Variants in MCPH1 observed in about 807,000 individuals in gnomAD.
MCPH1 encodes the protein microcephalin.
MCPH1 carries 104 observed loss-of-function variants against 84.5 expected under a neutral mutation model. That is an observed-to-expected ratio of 1.23 (90% confidence interval 1.05 to 1.45). The LOEUF (loss-of-function observed/expected upper bound fraction) is 1.45, where lower values mean the gene tolerates loss of function less well. Among genes scored for constraint, MCPH1 ranks in the 40% most tolerant of loss-of-function variants. The pLI is 0.00. For synonymous variants in MCPH1, 514 were observed against 366.8 expected (o/e 1.40, Z -4.58); for missense variants, 1,498 against 1,005.7 (o/e 1.49, Z -6.62).
At chr8:6,612,709 C>A (rs957607940) in intron 12 of MCPH1, among the ~76,000 whole-genome samples, 2 of 152,238 alleles carry the variant, frequency 1.3e-5, no homozygotes, top group Admixed American at 6.5e-5. Context: ...CTCACATCGC[C>A]GCTTCACCTG....
In MCPH1 at chr8:6,442,071, C is replaced by G. The variant is rs1338908640; in HGVS notation, c.585C>G (p.Ser195=). The G allele has an allele frequency of 2.5e-6, 4 of 1,611,564 alleles. No individual in the cohort carries two copies. Among genetic ancestry groups the G allele is most frequent in the Non-Finnish European group, 3.4e-6 (4 of 1,177,758 alleles). The part of the protein sequence containing the change: ...EKRENLSPTS[S]QMIQQSHDNP... ...GTGTCTTGGTCCTGTTTTTAGCTTCCCAAATGATTCAGCAGTCTCATGATA... is the reference window on the plus strand; with the variant it reads ...GTGTCTTGGTCCTGTTTTTAGCTTCGCAAATGATTCAGCAGTCTCATGATA... Residue 195 remains serine, a synonymous_variant, in exon 7 of 14, where the codon TCC becomes TCG. Coordinates refer to ENST00000344683, the MANE Select transcript of MCPH1 (RefSeq NM_024596.5).
intron 13 of MCPH1, chr8:6,635,035 C>A (rs1477984175): frequency 6.6e-6 from 1 of 152,120 alleles, no homozygotes; most frequent in Non-Finnish European, 1.5e-5. Context: ...CTCTGGCCTA[C>A]GACTGTGTTC....
At chr8:6,466,348 C>T (rs1392578695) in intron 9 of MCPH1, among the ~76,000 whole-genome samples, 1 of 149,820 alleles carries the variant, frequency 6.7e-6, no homozygotes, top group African/African-American at 2.5e-5. Flanking sequence ...CGCTCTGTTG[C>T]TGAGGCTGGA....
chr8:6,585,505 C>G (rs368381485), intron 12 of MCPH1, among the ~76,000 whole-genome samples: 1 of 152,252 alleles, frequency 6.6e-6, no homozygotes. Flanking sequence ...CGAAAACATG[C>G]AGTTGGGCTG....
chr8:6,480,045 T>C (rs1342028575), intron 10 of MCPH1, among the ~76,000 whole-genome samples: 2 of 152,144 alleles, frequency 1.3e-5, no homozygotes, highest in Non-Finnish European at 2.9e-5. Context: ...CAAATAGGCC[T>C]GAAAAACAAA....
At position 6,509,107 on chromosome 8, in the gene MCPH1, A is replaced by T. The variant is rs368959500; in HGVS notation, c.2214+9178A>T. ...AAAAACACATTGGCTAGGGTCATTG[A>T]TTTACCGTAGTGGCAAATTTTTTGT... On this transcript the variant is annotated intron_variant, in intron 12 of 13. Coordinates refer to ENST00000344683, the MANE Select transcript of MCPH1 (RefSeq NM_024596.5). 246 of 1,591,132 alleles carry T rather than the reference A, an allele frequency of 1.5e-4. 1 individual carries two copies. The highest frequency in any genetic ancestry group is 1.0e-3 in the Middle Eastern group (6 of 5,968).
At chr8:6,491,519 C>G (rs933615288) in intron 11 of MCPH1, among the ~76,000 whole-genome samples, 5 of 150,974 alleles carry the variant, frequency 3.3e-5, no homozygotes, top group African/African-American at 9.7e-5. Flanking sequence ...TACATGTGCA[C>G]AACATGCAGG....
chr8:6,527,056 G>A (rs911419850), intron 12 of MCPH1, among the ~76,000 whole-genome samples: 4 of 152,196 alleles, frequency 2.6e-5, no homozygotes, highest in East Asian at 1.9e-4. Flanking sequence ...ACCATTCTGC[G>A]TTGAGTGAAG....
intron 12 of MCPH1, among the ~76,000 whole-genome samples, chr8:6,523,244 G>A (rs1031987392): frequency 6.6e-6 from 1 of 152,076 alleles, no homozygotes; most frequent in Non-Finnish European, 1.5e-5. Flanking sequence ...TGATCCGCCC[G>A]CCCCTGCCTC....
chr8:6,549,450 G>T (rs78900472), intron 12 of MCPH1, among the ~76,000 whole-genome samples: 6,302 of 152,308 alleles, frequency 0.041, 187 homozygotes, highest in East Asian at 0.091. Flanking sequence ...AGAAGAGGGG[G>T]ATATTGACGA....
At chr8:6,572,646 G>T (rs775175118) in intron 12 of MCPH1, among the ~76,000 whole-genome samples, 1 of 152,200 alleles carries the variant, frequency 6.6e-6, no homozygotes, top group Non-Finnish European at 1.5e-5. Flanking sequence ...ATAGACCTAG[G>T]AGCTGTCTCT....
chr8:6,575,402 G>A (rs1013164871), intron 12 of MCPH1, among the ~76,000 whole-genome samples: 72 of 152,282 alleles, frequency 4.7e-4, no homozygotes, highest in African/African-American at 1.6e-3. Flanking sequence ...TGCAGATCAT[G>A]GCATGTTGTC....
chr8:6,466,400 T>C (rs905295099), intron 9 of MCPH1, among the ~76,000 whole-genome samples: 3 of 150,342 alleles, frequency 2.0e-5, no homozygotes, highest in Admixed American at 6.6e-5. Context: ...CTCCACCTCC[T>C]GGGTTCAAGT....
At chr8:6,478,139 T>A (rs1055766126) in intron 10 of MCPH1, among the ~76,000 whole-genome samples, 1 of 152,204 alleles carries the variant, frequency 6.6e-6, no homozygotes, top group Non-Finnish European at 1.5e-5. Flanking sequence ...AATTCCTGTT[T>A]AAAGGGGAAA....
chr8:6,565,171 C>T (rs1256785217), intron 12 of MCPH1, among the ~76,000 whole-genome samples: 2 of 152,192 alleles, frequency 1.3e-5, no homozygotes, highest in African/African-American at 4.8e-5. Flanking sequence ...TCTCCCTAGT[C>T]ATAAGATGGA....
Position 6,440,527 on chromosome 8 carries a change from T to C in MCPH1, c.580+1431T>C, listed in dbSNP as rs576925378. Among the ~76,000 whole-genome samples, 3 of 152,328 alleles carry C rather than the reference T, an allele frequency of 2.0e-5. No individual in the cohort carries two copies. The East Asian group carries it at 5.8e-4, about 29-fold the overall frequency. On this transcript the variant is annotated intron_variant, in intron 6 of 13. Transcript: ENST00000344683. ...GGTGTGTGCCACGATCCCTGGCTTA[T>C]TGATAGATATAGTCAAATTATCCTT... is the stretch of plus-strand genomic sequence containing the variant.
At chr8:6,472,184 A>G (rs1205399432) in intron 9 of MCPH1, among the ~76,000 whole-genome samples, 3 of 152,260 alleles carry the variant, frequency 2.0e-5, no homozygotes, top group Non-Finnish European at 1.5e-5. Context: ...GTCCCAAGAC[A>G]TAATATACAA....
intron 3 of MCPH1, among the ~76,000 whole-genome samples, chr8:6,416,807 A>T (rs911203833): frequency 7.3e-5 from 9 of 123,590 alleles, no homozygotes; most frequent in African/African-American, 1.0e-4. Context: ...CAGCCTGATC[A>T]ATATGGTAAA....
At chr8:6,612,482 C>G (rs1046994895) in intron 12 of MCPH1, among the ~76,000 whole-genome samples, 9 of 152,194 alleles carry the variant, frequency 5.9e-5, no homozygotes, top group Non-Finnish European at 1.5e-5. Context: ...TGCGACCTGG[C>G]TAGTCCACAT....
Sources: allele counts gnomAD v4.1 joint callset (sites outside exome capture counted in the v4.1 genomes callset), GRCh38; gene constraint gnomAD v4.1.1; transcripts MANE v1.5; gene names NCBI Gene and HGNC (gene_info 2026-07-23, HGNC 2026-07-21).